Variants in ABL1 observed in about 807,000 individuals in gnomAD.
ABL1 encodes the protein tyrosine-protein kinase ABL1.
ABL1 carries 11 observed loss-of-function variants against 94.7 expected under a neutral mutation model. That is an observed-to-expected ratio of 0.12 (90% CI 0.07 to 0.19). ABL1 has a LOEUF of 0.19. Among genes scored for constraint, ABL1 ranks in the 10% least tolerant of loss-of-function variants. The pLI, the probability that ABL1 is intolerant of heterozygous loss-of-function variation, is 1.00. For synonymous variants in ABL1, 656 were observed against 622.4 expected (o/e 1.05, Z -0.80); for missense variants, 1,082 against 1,489.4 (o/e 0.73, Z 4.50).
chr9:130,850,593 G>T (rs1830841232), intron 1 of ABL1, among the ~76,000 whole-genome samples: 1 of 152,136 alleles, frequency 6.6e-6, no homozygotes, highest in African/African-American at 2.4e-5. Flanking sequence ...TACAACCTCT[G>T]CCTCCTGTGT....
chr9:130,802,649 T>C (rs1169556960), intron 1 of ABL1, among the ~76,000 whole-genome samples: 4 of 152,222 alleles, frequency 2.6e-5, no homozygotes, highest in African/African-American at 7.2e-5. Flanking sequence ...TTCATTGAGA[T>C]GATTATAATA....
At chr9:130,758,165 T>C (rs1588226948) in intron 1 of ABL1, among the ~76,000 whole-genome samples, 1 of 151,934 alleles carries the variant, frequency 6.6e-6, no homozygotes, top group African/African-American at 2.4e-5. Context: ...AGATTTTTTT[T>C]TTTTTTCTTT....
In ABL1 at chr9:130,814,727, A is replaced by C. The variant is rs1830259826; in HGVS notation, c.137-39337A>C. Among the ~76,000 whole-genome samples the C allele has an allele frequency of 6.6e-6, 1 of 151,810 alleles. No homozygotes were observed. On this transcript the variant is annotated intron_variant, in intron 1 of 10. Coordinates refer to the ABL1 transcript ENST00000372348. This position sits in a 1 kb window ranked among gnomAD's most constrained non-coding sequence, Gnocchi z 4.4. The stretch of plus-strand genomic sequence containing the variant: ...CCCGTCTCCACTAAAAATACAAAAA[A>C]TTCTCCGGGCGTGGTGGCGGGCGCC...
intron 1 of ABL1, among the ~76,000 whole-genome samples, chr9:130,797,314 CTTG>C (rs1829992624): frequency 7.6e-6 from 1 of 131,358 alleles, no homozygotes. Flanking sequence ...AAGATTTATT[CTTG>C]TCTTTGGAGA....
chr9:130,713,517 C>T (rs1588206842), exon 1 of ABL1, among the ~76,000 whole-genome samples: 1 of 151,726 alleles, frequency 6.6e-6, no homozygotes, highest in Non-Finnish European at 1.5e-5. Flanking sequence ...GGATCCCGGC[C>T]CCAACTTTGG....
chr9:130,746,268 TC>T (rs1831887037), intron 1 of ABL1, among the ~76,000 whole-genome samples: 1 of 152,048 alleles, frequency 6.6e-6, no homozygotes, highest in African/African-American at 2.4e-5. Context: ...GGGTAGGTTT[TC>T]CTAATTTAAC....
At chr9:130,841,680 G>C (rs941356793) in intron 1 of ABL1, among the ~76,000 whole-genome samples, 6 of 151,742 alleles carry the variant, frequency 4.0e-5, no homozygotes, top group East Asian at 2.0e-4. Context: ...GGCGTAGTGG[G>C]GAGTGCCTGT....
Position 130,872,764 on chromosome 9 carries a change from A to G in ABL1, c.908-96A>G. 3 of 1,307,510 alleles carry G rather than the reference A, an allele frequency of 2.3e-6. No homozygotes were observed. The highest frequency in any genetic ancestry group is 4.7e-5 in the East Asian group (2 of 42,306). The allele number at this position is 1,307,510 out of a possible 1,614,324, so 81.0% of individuals were successfully genotyped here. On this transcript the variant is annotated intron_variant, in intron 5 of 10. Transcript: ENST00000318560. The surrounding 1 kb of genome is among the most constrained non-coding windows in gnomAD (Gnocchi z 5.0). ...GAAGTTGGGCCCAGGACTGAGGAGC[A>G]GAGTCAGAATCCTTCAGAAGGCTTT...
chr9:130,814,002 T>C lies in ABL1; in HGVS notation c.137-40062T>C, dbSNP rs897537646. Among the ~76,000 whole-genome samples, 3 of 152,050 alleles carry C rather than the reference T, an allele frequency of 2.0e-5. No individual in the cohort carries two copies. The highest frequency in any genetic ancestry group is 4.4e-5 in the Non-Finnish European group (3 of 68,008). ...CCAATTAAGCAGAAGAAAAAGCCAGTGTGGCCAGGCAGGGAGGCCCATGCC... is the reference window on the plus strand; with the variant it reads ...CCAATTAAGCAGAAGAAAAAGCCAGCGTGGCCAGGCAGGGAGGCCCATGCC... On this transcript the variant is annotated intron_variant, in intron 1 of 10. Coordinates refer to the ABL1 transcript ENST00000372348. This position sits in a 1 kb window ranked among gnomAD's most constrained non-coding sequence, Gnocchi z 4.4.
rs767883505 is a variant in ABL1 at position 130,855,007 on chromosome 9, A to G, written c.460A>G (p.Ser154Gly). Residue 154 changes from serine (S) to glycine (G), a missense_variant, in exon 3 of 11, where the codon AGT becomes GGT. Around this residue, in one of 7 missense-constraint regions of ABL1, gnomAD observed 47 missense variants for 142.2 expected, o/e 0.33. Transcript: ENST00000318560. ...CAATGGCAGCTTCTTGGTGCGTGAG[A>G]GTGAGAGCAGTCCTGGCCAGAGGTC... ...GINGSFLVRE[S>G]ESSPGQRSIS... 6.2e-7 allele frequency: 1 copy of G among 1,614,164 alleles called. No individual in the cohort carries two copies. The highest frequency in any genetic ancestry group is 8.5e-7 in the Non-Finnish European group (1 of 1,180,032).
chr9:130,727,392 TG>T (rs1831600365), intron 1 of ABL1, among the ~76,000 whole-genome samples: 1 of 151,992 alleles, frequency 6.6e-6, no homozygotes, highest in Non-Finnish European at 1.5e-5. Flanking sequence ...ACTGAGAGAG[TG>T]ATGCTGAAGA....
At chr9:130,763,031 A>G (rs1361647288) in intron 1 of ABL1, among the ~76,000 whole-genome samples, 2 of 152,342 alleles carry the variant, frequency 1.3e-5, no homozygotes, top group Non-Finnish European at 2.9e-5. Context: ...AAAGCCAAGC[A>G]TATAACCAAG....
At chr9:130,790,465 TTTTATTTA>T (rs57807270) in intron 1 of ABL1, among the ~76,000 whole-genome samples, 150 of 148,010 alleles carry the variant, frequency 1.0e-3, no homozygotes, top group Middle Eastern at 3.4e-3. Context: ...TTCATTTTTA[TTTTATTTA>T]TTTATTTATT....
intron 1 of ABL1, among the ~76,000 whole-genome samples, chr9:130,763,416 T>C (rs1406749996): frequency 6.6e-6 from 1 of 152,178 alleles, no homozygotes; most frequent in African/African-American, 2.4e-5. Context: ...GGTTGGGCTA[T>C]AATATTAAAA....
At chr9:130,750,592 C>T (rs1831950333) in intron 1 of ABL1, among the ~76,000 whole-genome samples, 2 of 150,330 alleles carry the variant, frequency 1.3e-5, no homozygotes, top group Admixed American at 6.7e-5. Flanking sequence ...GCTGGGATTA[C>T]AGACATGAGC....
At position 130,755,111 on chromosome 9, in the gene ABL1, A is replaced by G. The variant is rs555060855; in HGVS notation, c.136+40656A>G. On this transcript the variant is annotated intron_variant, in intron 1 of 10. Coordinates refer to the ABL1 transcript ENST00000372348. The stretch of plus-strand genomic sequence containing the variant: ...GAGCGCCTAGAACAGTACTTGGCAC[A>G]TGGTAGATCTTCAATAAATAGTTGT... Among the ~76,000 whole-genome samples, 4 of 152,368 alleles carry G rather than the reference A, an allele frequency of 2.6e-5. No homozygotes were observed. The South Asian group carries it at 8.3e-4, about 32-fold the overall frequency.
At chr9:130,745,148 G>A (rs1366523043) in intron 1 of ABL1, among the ~76,000 whole-genome samples, 2 of 146,236 alleles carry the variant, frequency 1.4e-5, no homozygotes, top group Non-Finnish European at 3.0e-5. Flanking sequence ...GCAATGGTGT[G>A]ATCTCGGCTT....
Position 130,885,849 on chromosome 9 carries a change from C to A in ABL1, c.*166C>A. 1.1e-6 allele frequency: 1 copy of A among 915,214 alleles called. No homozygotes were observed. Among genetic ancestry groups the A allele is most frequent in the Non-Finnish European group, 1.6e-6 (1 of 627,132 alleles). 56.7% of individuals were successfully genotyped at this position (915,214 alleles called of 1,614,324 possible). A position where few individuals can be genotyped will look rare whatever the true frequency, so the allele number is the denominator to read the frequency against. On this transcript the variant is annotated 3_prime_UTR_variant, in exon 11 of 11. Coordinates refer to ENST00000318560, the MANE Select transcript of ABL1 (RefSeq NM_005157.6). ...GCCCTGTGGAGTCCAGCTCTACTAC[C>A]TACGTTTGCACCGCCTGCCCTCCCG...
intron 3 of ABL1, among the ~76,000 whole-genome samples, chr9:130,858,493 G>T (rs1831010484): frequency 6.6e-6 from 1 of 152,072 alleles, no homozygotes; most frequent in African/African-American, 2.4e-5. Flanking sequence ...TTGGGCACCT[G>T]GGGACTTCTG....
Sources: gnomAD v4.1 joint callset for allele counts (sites outside exome capture counted in the v4.1 genomes callset) on GRCh38, gnomAD v4.1.1 for gene constraint, gnomAD v4.1.1 regional missense constraint, Gnocchi (gnomAD v3.1) non-coding constraint, MANE v1.5 for transcripts, NCBI Gene and HGNC (gene_info 2026-07-23, HGNC 2026-07-21) for gene names.